Variants in PMS2 observed in about 807,000 individuals in gnomAD.
PMS2 encodes the protein mismatch repair endonuclease PMS2.
PMS2 carries 69 observed loss-of-function variants against 90.0 expected under a neutral mutation model. The ratio of observed to expected loss-of-function variants is 0.77; its 90% CI spans 0.63 to 0.94. The LOEUF (loss-of-function observed/expected upper bound fraction) is 0.94, where lower values mean the gene tolerates loss of function less well. PMS2 is among the 40% of genes least tolerant of loss of function. PMS2 has a pLI of 0.00. For missense variants in PMS2, 966 were observed against 1,040.2 expected (o/e 0.93, Z 0.98); for synonymous variants, 332 against 375.1 (o/e 0.89, Z 1.33).
intron 10 of PMS2, among the ~76,000 whole-genome samples, chr7:5,988,626 A>G (rs1583328627): frequency 6.6e-6 from 1 of 152,206 alleles, no homozygotes; most frequent in South Asian, 2.1e-4. Context: ...TGTTCATGAC[A>G]GCATTCTTCA....
chr7:5,997,136 C>G (rs1384008236), intron 7 of PMS2, among the ~76,000 whole-genome samples, 190 bp downstream of exon 7: 1 of 151,552 alleles, frequency 6.6e-6, no homozygotes, highest in South Asian at 2.1e-4. Context: ...ATTGCTTGAA[C>G]TCAGGAGGTA....
At position 5,997,425 on chromosome 7, in the gene PMS2, TGA is replaced by T. The variant is rs1491495579; in HGVS notation, c.706-4_706-3del. On this transcript the variant is annotated splice_region_variant and splice_polypyrimidine_tract_variant and intron_variant, in intron 6 of 14. Transcript: ENST00000265849. The stretch of plus-strand genomic sequence containing the variant: ...AACAAAAGGAATGAGGCTTTGCAAC[TGA>T]AAAAAAAAAAAAAAAATTCACAGTT... 2.8e-6 allele frequency: 4 copies of T among 1,424,052 alleles called. No individual in the cohort carries two copies. Among genetic ancestry groups the T allele is most frequent in the South Asian group, 1.2e-5 (1 of 81,556 alleles). 88.2% of individuals were successfully genotyped at this position (1,424,052 alleles called of 1,614,324 possible).
chr7:5,992,432 G>A (rs1400473275), intron 8 of PMS2, among the ~76,000 whole-genome samples: 1 of 151,188 alleles, frequency 6.6e-6, no homozygotes, highest in African/African-American at 2.4e-5. Context: ...TGATTATCCT[G>A]ACTCAGCCTC....
intron 8 of PMS2, among the ~76,000 whole-genome samples, chr7:5,994,173 G>T (rs1456171865): frequency 6.6e-6 from 1 of 151,870 alleles, no homozygotes; most frequent in African/African-American, 2.4e-5. Context: ...ACGAGGTCAG[G>T]ATTTCAAGAC....
At chr7:5,988,845 GT>G (rs869187029) in intron 10 of PMS2, among the ~76,000 whole-genome samples, 4 of 150,410 alleles carry the variant, frequency 2.7e-5, no homozygotes, top group Non-Finnish European at 5.9e-5. Context: ...ACCGTTTTGG[GT>G]TTTTTTTGTT....
chr7:5,973,327 G>T lies in PMS2; in HGVS notation c.*72C>A, dbSNP rs781710179. 1.5e-6 allele frequency: 2 copies of T among 1,342,768 alleles called. No homozygotes were observed. The highest frequency in any genetic ancestry group is 2.1e-6 in the Non-Finnish European group (2 of 960,702). The allele number at this position is 1,342,768 out of a possible 1,614,324, so 83.2% of individuals were successfully genotyped here. Reference sequence around the variant, plus strand: ...GCAGGTTCATTTTAAAACAAAAAAGGTTAGTGAAGACTCTGTCTTTCAAAA... The same window carrying T: ...GCAGGTTCATTTTAAAACAAAAAAGTTTAGTGAAGACTCTGTCTTTCAAAA... On this transcript the variant is annotated 3_prime_UTR_variant, in exon 15 of 15. Transcript: ENST00000265849.
chr7:5,984,031 G>A (rs1475684334), intron 11 of PMS2, among the ~76,000 whole-genome samples: 1 of 151,790 alleles, frequency 6.6e-6, no homozygotes, highest in Non-Finnish European at 1.5e-5. Flanking sequence ...CCCTACTAAA[G>A]GACATTTCAG....
chr7:6,002,919 T>A (rs1213600023), intron 4 of PMS2, among the ~76,000 whole-genome samples: 1 of 152,232 alleles, frequency 6.6e-6, no homozygotes, highest in African/African-American at 2.4e-5. Flanking sequence ...TAAGATTTAT[T>A]TATTCACAAA....
At chr7:6,008,357 C>G (rs891815675) in intron 1 of PMS2, among the ~76,000 whole-genome samples, 4 of 152,186 alleles carry the variant, frequency 2.6e-5, no homozygotes, top group African/African-American at 9.7e-5. Flanking sequence ...CCAGAAATCA[C>G]ACATCCTAAC....
In PMS2 at chr7:5,987,413, C is replaced by T. The variant is rs876660834; in HGVS notation, c.1352G>A (p.Arg451Lys). ...EPRRSPLGQK[R>K]GMLSSSTSGA... ...TGAAGTGCTAGAAGACAGCATACCC[C>T]TTTTCTGTCCTAGAGGGCTCCTTCT... The change falls in exon 11 of 15, where the codon AGG becomes AAG. Residue 451 changes from arginine to lysine, a missense_variant. Transcript: ENST00000265849. 10 of 1,614,036 alleles carry T rather than the reference C, an allele frequency of 6.2e-6. No individual in the cohort carries two copies. In the South Asian group the frequency reaches 7.7e-5, roughly 12 times the overall value.
At chr7:5,988,218 G>T (rs1043442671) in intron 10 of PMS2, among the ~76,000 whole-genome samples, 66 of 152,014 alleles carry the variant, frequency 4.3e-4, no homozygotes, top group Non-Finnish European at 1.5e-4. Flanking sequence ...GCTTTGAAAA[G>T]TTCTCTGGGA....
At chr7:5,978,121 A>AG (rs1781909849) in intron 13 of PMS2, among the ~76,000 whole-genome samples, 2 of 150,144 alleles carry the variant, frequency 1.3e-5, no homozygotes, top group African/African-American at 4.9e-5. Flanking sequence ...ACTCCATCTC[A>AG]GAAAAAAAAA....
At chr7:5,996,693 C>T (rs1407433328) in intron 7 of PMS2, among the ~76,000 whole-genome samples, 1 of 150,986 alleles carries the variant, frequency 6.6e-6, no homozygotes, top group Non-Finnish European at 1.5e-5. Flanking sequence ...AGTAATGACA[C>T]TGAACTGCCT....
intron 8 of PMS2, among the ~76,000 whole-genome samples, chr7:5,993,699 A>G (rs560387393): frequency 6.6e-6 from 1 of 151,316 alleles, no homozygotes; most frequent in Admixed American, 6.6e-5. Context: ...CGTATCTACT[A>G]AAAATACAAA....
At chr7:5,994,751 G>A (rs541488858) in intron 8 of PMS2, among the ~76,000 whole-genome samples, 1 of 151,724 alleles carries the variant, frequency 6.6e-6, no homozygotes, top group Non-Finnish European at 1.5e-5. Context: ...ACTCCAGCCT[G>A]GGTGACAAAC....
Position 5,989,940 on chromosome 7 carries a change from T to A in PMS2, c.1004A>T (p.Asn335Ile), listed in dbSNP as rs200513014. Residue 335 changes from asparagine (N) to isoleucine (I), a missense_variant, in exon 10 of 15, where the codon AAT becomes ATT. Asn to Ile is a moderately radical substitution (Grantham distance 149, BLOSUM62 -3). Around this residue, in one of 2 missense-constraint regions of PMS2, gnomAD observed 871 missense variants for 802.4 expected, o/e 1.09. Coordinates refer to ENST00000265849, the MANE Select transcript of PMS2 (RefSeq NM_000535.7). ...AATTTGCCTTTTATCTGGAGTAACATTGATATCAACGCATTCTAAGGCAAA... is the reference window on the plus strand; with the variant it reads ...AATTTGCCTTTTATCTGGAGTAACAATGATATCAACGCATTCTAAGGCAAA... ...ISVDSECVDINVTPDKRQILL... is the reference protein window; with the variant it reads ...ISVDSECVDIIVTPDKRQILL... 6.2e-6 allele frequency: 10 copies of A among 1,607,538 alleles called. No individual in the cohort carries two copies. Among genetic ancestry groups the A allele is most frequent in the Non-Finnish European group, 6.8e-6 (8 of 1,175,108 alleles).
At chr7:6,008,386 T>A (rs1786116978) in intron 1 of PMS2, among the ~76,000 whole-genome samples, 1 of 152,142 alleles carries the variant, frequency 6.6e-6, no homozygotes, top group Admixed American at 6.6e-5. Context: ...ACGTATTGCA[T>A]TTTTAAAAAC....
intron 5 of PMS2, 88 bp downstream of exon 5, chr7:6,002,365 A>C (rs1785175689): frequency 1.2e-6 from 1 of 859,376 alleles, no homozygotes; most frequent in South Asian, 1.4e-5. Flanking sequence ...ATGGGAAGAG[A>C]ATCAACTGAA....
rs71541552 is a variant in PMS2 at position 6,006,214 on chromosome 7, T to A, written c.24-183A>T. 13 of 705,118 alleles carry A rather than the reference T, an allele frequency of 1.8e-5. No individual in the cohort carries two copies. In the South Asian group the frequency reaches 2.3e-4, roughly 12 times the overall value. The allele number at this position is 705,118 out of a possible 1,614,324, so 43.7% of individuals were successfully genotyped here. On this transcript the variant is annotated intron_variant, in intron 1 of 14. Transcript: ENST00000265849. Reference sequence around the variant, plus strand: ...AACACTGTTTTACAATCCTTAAACATGTACCCAAAATACTTCTGGATAGAT... The same window carrying A: ...AACACTGTTTTACAATCCTTAAACAAGTACCCAAAATACTTCTGGATAGAT...
Sources: allele counts gnomAD v4.1 joint callset (sites outside exome capture counted in the v4.1 genomes callset), GRCh38; gene constraint gnomAD v4.1.1; regional missense constraint gnomAD v4.1.1; transcripts MANE v1.5; gene names NCBI Gene and HGNC (gene_info 2026-07-23, HGNC 2026-07-21).